The following PIP4P2 variants were observed in gnomAD, a reference collection of about 807,000 sequenced individuals.
The protein encoded by PIP4P2 is phosphatidylinositol-4,5-bisphosphate 4-phosphatase 2, also known as type 2 phosphatidylinositol 4,5-bisphosphate 4-phosphatase.
PIP4P2 carries 19 observed loss-of-function variants against 33.3 expected under a neutral mutation model. The observed-to-expected ratio is 0.57, with a 90% CI of 0.40 to 0.84. The LOEUF (loss-of-function observed/expected upper bound fraction) is 0.84. Among genes scored for constraint, PIP4P2 ranks in the 40% least tolerant of loss-of-function variants. The pLI, the probability that PIP4P2 is intolerant of heterozygous loss-of-function variation, is 0.00. For missense variants in PIP4P2, 270 were observed against 324.7 expected (o/e 0.83, Z 1.29); for synonymous variants, 110 against 111.9 (o/e 0.98, Z 0.11).
chr8:91,024,528 ATCT>A (rs1184016556), intron 1 of PIP4P2, among the ~76,000 whole-genome samples: 3 of 152,052 alleles, frequency 2.0e-5, no homozygotes, highest in African/African-American at 4.8e-5. Flanking sequence ...GGCTTAAGTG[ATCT>A]TCTCACCTCA....
chr8:91,038,256 T>C (rs1812259105), intron 1 of PIP4P2, among the ~76,000 whole-genome samples: 1 of 152,230 alleles, frequency 6.6e-6, no homozygotes, highest in African/African-American at 2.4e-5. Context: ...CTAACATTCC[T>C]GTACTTTAGA....
In PIP4P2 at chr8:90,995,608, A is replaced by T; in HGVS notation, c.*69T>A. 1 of 1,521,124 alleles carries T rather than the reference A, an allele frequency of 6.6e-7. No homozygotes were observed. 94.2% of individuals were successfully genotyped at this position (1,521,124 alleles called of 1,614,324 possible). On this transcript the variant is annotated 3_prime_UTR_variant, in exon 7 of 7. Coordinates refer to ENST00000285419, the MANE Select transcript of PIP4P2 (RefSeq NM_018710.3). ...GGAATCCATTAGGATAAATAATTTA[A>T]AGATGTCCAGAGTAGCTTACCAAGA...
At chr8:91,017,917 C>T (rs554321722) in intron 4 of PIP4P2, among the ~76,000 whole-genome samples, 15 of 152,256 alleles carry the variant, frequency 9.9e-5, no homozygotes, top group Admixed American at 3.9e-4. Context: ...ATGGTTTTAT[C>T]TAATTATGGG....
chr8:91,014,123 G>A (rs1811878882), intron 4 of PIP4P2, among the ~76,000 whole-genome samples: 1 of 152,106 alleles, frequency 6.6e-6, no homozygotes, highest in Admixed American at 6.6e-5. Flanking sequence ...TTTGGACAAT[G>A]GAAAGCAGAT....
rs1482677283 is a variant in PIP4P2 at position 91,008,734 on chromosome 8, G to A, written c.539+9C>T. 6.2e-7 allele frequency: 1 copy of A among 1,607,654 alleles called. No individual in the cohort carries two copies. Among genetic ancestry groups the A allele is most frequent in the East Asian group, 2.2e-5 (1 of 44,774 alleles). On this transcript the variant is annotated intron_variant, in intron 5 of 6. Transcript: ENST00000285419. ...TTCTCAATAATATTTCCAATGGTAG[G>A]GAACTTACATTTTTTTGCAGTGTGG...
intron 1 of PIP4P2, among the ~76,000 whole-genome samples, chr8:91,031,880 G>C (rs1812168789): frequency 6.6e-6 from 1 of 152,194 alleles, no homozygotes; most frequent in East Asian, 1.9e-4. Flanking sequence ...TCCTAAGTGT[G>C]TCCAGCTTCC....
chr8:91,033,788 A>G (rs1340436621), intron 1 of PIP4P2, among the ~76,000 whole-genome samples: 1 of 151,690 alleles, frequency 6.6e-6, no homozygotes, highest in African/African-American at 2.4e-5. Context: ...TTATTTATTT[A>G]TTTATTTTTG....
intron 5 of PIP4P2, among the ~76,000 whole-genome samples, chr8:91,004,058 T>G (rs955686942): frequency 1.3e-5 from 2 of 152,030 alleles, no homozygotes; most frequent in South Asian, 4.1e-4. Flanking sequence ...CTACTGTGAT[T>G]ATAGAGGCTG....
rs1563566402 is a variant in PIP4P2 at position 91,020,269 on chromosome 8, TA to T, written c.256-7del. ...GTTGGGGGGTTTTTGATTGGCTGGA[TA>T]AGGGAAGAAAATGCAAACACAGCAA... On this transcript the variant is annotated splice_polypyrimidine_tract_variant and splice_region_variant and intron_variant, in intron 2 of 6. Coordinates refer to ENST00000285419, the MANE Select transcript of PIP4P2 (RefSeq NM_018710.3). 5 of 1,613,204 alleles carry T rather than the reference TA, an allele frequency of 3.1e-6. No individual in the cohort carries two copies. In the East Asian group the frequency reaches 1.1e-4, roughly 36 times the overall value.
In PIP4P2 at chr8:91,018,676, T is replaced by G. The variant is rs531706940; in HGVS notation, c.363-163A>C. On this transcript the variant is annotated intron_variant, in intron 3 of 6. Coordinates refer to ENST00000285419, the MANE Select transcript of PIP4P2 (RefSeq NM_018710.3). ...AACTACAAAGAGTAGCAACAGTCAGTTTTTCAAAAGCAAAATATGAGTCTG... is the reference window on the plus strand; with the variant it reads ...AACTACAAAGAGTAGCAACAGTCAGGTTTTCAAAAGCAAAATATGAGTCTG... The G allele has an allele frequency of 1.5e-4, 161 of 1,098,904 alleles. No individual in the cohort carries two copies. The African/African-American group carries it at 2.4e-3, about 16-fold the overall frequency. The allele number at this position is 1,098,904 out of a possible 1,614,324, so 68.1% of individuals were successfully genotyped here. A position where few individuals can be genotyped will look rare whatever the true frequency, so the allele number is the denominator to read the frequency against.
At chr8:91,035,240 GA>G in intron 1 of PIP4P2, among the ~76,000 whole-genome samples, 1 of 152,210 alleles carries the variant, frequency 6.6e-6, no homozygotes, top group East Asian at 1.9e-4. Context: ...CAGAGTAAAG[GA>G]ATATTAACCT....
chr8:91,036,850 T>A (rs1258727001), intron 1 of PIP4P2, among the ~76,000 whole-genome samples: 1 of 152,148 alleles, frequency 6.6e-6, no homozygotes, highest in Non-Finnish European at 1.5e-5. Context: ...TAGTAAGAAT[T>A]TGGCTAAGGC....
intron 1 of PIP4P2, among the ~76,000 whole-genome samples, chr8:91,040,388 ACACCATCACCACCACCACCACCAC>A (rs1252977655): frequency 6.7e-5 from 10 of 149,844 alleles, no homozygotes; most frequent in East Asian, 3.9e-4. Flanking sequence ...ATACACACAC[ACACCATCACCACCACCACCACCAC>A]CACCATCACC....
chr8:91,038,564 A>C (rs1256115367), intron 1 of PIP4P2, among the ~76,000 whole-genome samples: 1 of 152,132 alleles, frequency 6.6e-6, no homozygotes, highest in African/African-American at 2.4e-5. Context: ...AGGGTATGGG[A>C]TTGATCACTC....
intron 1 of PIP4P2, among the ~76,000 whole-genome samples, chr8:91,022,355 A>C (rs1407273350): frequency 6.6e-6 from 1 of 152,178 alleles, no homozygotes; most frequent in Non-Finnish European, 1.5e-5. Context: ...TTCAAAATCA[A>C]GTATCTACCA....
At chr8:91,023,769 T>C (rs1157495478) in intron 1 of PIP4P2, among the ~76,000 whole-genome samples, 1 of 152,114 alleles carries the variant, frequency 6.6e-6, no homozygotes, top group East Asian at 1.9e-4. Context: ...TGGTCTATGA[T>C]GATGCTTACT....
At chr8:91,015,949 T>A (rs1389592203) in intron 4 of PIP4P2, among the ~76,000 whole-genome samples, 1 of 152,208 alleles carries the variant, frequency 6.6e-6, no homozygotes, top group Non-Finnish European at 1.5e-5. Context: ...AGTATAAACA[T>A]GCCAGGGCAA....
chr8:91,008,930 T>C lies in PIP4P2; in HGVS notation c.487-135A>G, dbSNP rs933665016. ...TCACCTTCTCACGGTTACATGAGTT[T>C]TTCCCTCCAATACTTCTCTCCCTCT... On this transcript the variant is annotated intron_variant, in intron 4 of 6. Coordinates refer to ENST00000285419, the MANE Select transcript of PIP4P2 (RefSeq NM_018710.3). 9 of 614,138 alleles carry C rather than the reference T, an allele frequency of 1.5e-5. No individual in the cohort carries two copies. In the South Asian group the frequency reaches 2.5e-4, roughly 17 times the overall value. The allele number at this position is 614,138 out of a possible 1,614,324, so 38.0% of individuals were successfully genotyped here.
intron 1 of PIP4P2, among the ~76,000 whole-genome samples, chr8:91,036,467 AC>A (rs1056510226): frequency 6.6e-5 from 10 of 152,108 alleles, no homozygotes; most frequent in African/African-American, 2.4e-4. Flanking sequence ...TCTAGGAGAT[AC>A]CCTTGACACT....
Sources: gnomAD v4.1 joint callset for allele counts (sites outside exome capture counted in the v4.1 genomes callset) on GRCh38, gnomAD v4.1.1 for gene constraint, MANE v1.5 for transcripts, NCBI Gene and HGNC (gene_info 2026-07-23, HGNC 2026-07-21) for gene names.